The following NEK1 variants were observed in gnomAD, a reference collection of about 807,000 sequenced individuals.
NEK1 encodes NIMA related kinase 1.
Under a neutral mutation model 182.1 loss-of-function variants are expected in NEK1, and 137 were observed. The ratio of observed to expected loss-of-function variants is 0.75; its 90% CI spans 0.65 to 0.87. NEK1 has a LOEUF of 0.87. Among genes scored for constraint, NEK1 ranks in the 40% least tolerant of loss-of-function variants. NEK1 has a pLI of 0.00. For synonymous variants in NEK1, 513 were observed against 492.2 expected, an observed-to-expected ratio of 1.04 and a Z score of -0.56; for missense variants, 1,391 against 1,494.4, an observed-to-expected ratio of 0.93 and a Z score of 1.14.
At chr4:169,424,402 C>T (rs1736005091) in intron 31 of NEK1, 151 bp downstream of exon 31, 2 of 909,924 alleles carry the variant, frequency 2.2e-6, no homozygotes, top group Middle Eastern at 3.1e-4. Flanking sequence ...CTCTCAATTG[C>T]AATTTATTTG....
chr4:169,599,732 T>C (rs979740303), intron 4 of NEK1, among the ~76,000 whole-genome samples: 2 of 152,174 alleles, frequency 1.3e-5, no homozygotes, highest in Non-Finnish European at 2.9e-5. Context: ...CTTTCCTTAA[T>C]TTTATGCACT....
chr4:169,595,698 C>T (rs1427297975), intron 5 of NEK1, among the ~76,000 whole-genome samples: 1 of 151,764 alleles, frequency 6.6e-6, no homozygotes, highest in Non-Finnish European at 1.5e-5. Flanking sequence ...CAGAGGCGGG[C>T]GGATCACGAG....
At chr4:169,409,353 C>T (rs1343288758) in intron 31 of NEK1, among the ~76,000 whole-genome samples, 1 of 152,004 alleles carries the variant, frequency 6.6e-6, no homozygotes, top group East Asian at 2.0e-4. Context: ...ACCATGTTAG[C>T]CAGGATGGTC....
intron 18 of NEK1, among the ~76,000 whole-genome samples, chr4:169,542,028 TTTTTG>T (rs1161681321): frequency 6.6e-6 from 1 of 152,158 alleles, no homozygotes; most frequent in Non-Finnish European, 1.5e-5. Context: ...TCCCAGACTC[TTTTTG>T]TTTTATTACA....
rs548393847 is a variant in NEK1, at chr4:169,445,125, A to T, written c.2588-6866T>A. Reference sequence around the variant, plus strand: ...GCAGTGCTGAGAGTTTATAGCAATAAACACCCATATCACAAAAGGGCCAGA... The same window carrying T: ...GCAGTGCTGAGAGTTTATAGCAATATACACCCATATCACAAAAGGGCCAGA... On this transcript the variant is annotated intron_variant, in intron 27 of 35. Coordinates refer to ENST00000507142, the MANE Select transcript of NEK1 (RefSeq NM_001199397.3). Among the ~76,000 whole-genome samples the T allele has an allele frequency of 2.6e-5, 4 of 151,836 alleles. No individual in the cohort carries two copies. The East Asian group carries it at 7.7e-4, about 29-fold the overall frequency.
intron 28 of NEK1, among the ~76,000 whole-genome samples, chr4:169,437,027 A>G (rs1265935410): frequency 6.6e-6 from 1 of 152,220 alleles, no homozygotes; most frequent in Non-Finnish European, 1.5e-5. Context: ...GGACAAACAT[A>G]GTGCAAAAGA....
intron 9 of NEK1, 57 bp downstream of exon 9, chr4:169,587,502 A>AGCG: frequency 1.0e-6 from 1 of 955,800 alleles, no homozygotes; most frequent in Non-Finnish European, 1.5e-6. Context: ...ATATAATAAA[A>AGCG]ACATTATAGT....
chr4:169,602,551 C>A lies in NEK1; in HGVS notation c.80G>T (p.Gly27Val). Residue 27 changes from glycine to valine, a missense_variant, in exon 3 of 36, where the codon GGC becomes GTC. Transcript: ENST00000507142. Reference sequence around the variant, plus strand: ...AATTTCCTTGATAACATACTGTCTGCCATCTTCTGTAGATTTAACAAGAAT... The same window carrying A: ...AATTTCCTTGATAACATACTGTCTGACATCTTCTGTAGATTTAACAAGAAT... ...KAILVKSTED[G>V]RQYVIKEINI... is the part of the protein sequence containing the mutation. 3 of 1,605,700 alleles carry A rather than the reference C, an allele frequency of 1.9e-6. No homozygotes were observed. Among genetic ancestry groups the A allele is most frequent in the Non-Finnish European group, 2.6e-6 (3 of 1,173,346 alleles).
intron 35 of NEK1, among the ~76,000 whole-genome samples, chr4:169,399,273 T>C (rs1579281643): frequency 1.3e-5 from 2 of 151,256 alleles, no homozygotes; most frequent in East Asian, 3.9e-4. Context: ...TAATACCACA[T>C]CCTTGATAAG....
At chr4:169,518,440 T>C (rs1755492400) in intron 19 of NEK1, among the ~76,000 whole-genome samples, 1 of 138,120 alleles carries the variant, frequency 7.2e-6, no homozygotes, top group Admixed American at 7.0e-5. Context: ...ATTTTGTTGA[T>C]CCTTTCAAAA....
At chr4:169,465,267 T>G (rs1326375780) in intron 26 of NEK1, among the ~76,000 whole-genome samples, 1 of 152,090 alleles carries the variant, frequency 6.6e-6, no homozygotes, top group East Asian at 1.9e-4. Context: ...GGGAAAAAGT[T>G]CTAACAAACA....
chr4:169,574,084 G>A (rs2150019992), intron 12 of NEK1, among the ~76,000 whole-genome samples: 2 of 152,246 alleles, frequency 1.3e-5, no homozygotes, highest in Non-Finnish European at 2.9e-5. Context: ...CTTGAGCTCA[G>A]GAAGTTAAGG....
chr4:169,425,489 T>G (rs138074550), intron 30 of NEK1, among the ~76,000 whole-genome samples: 2 of 151,678 alleles, frequency 1.3e-5, no homozygotes, highest in Non-Finnish European at 2.9e-5. Context: ...AAAAATACAC[T>G]ATTTAGATAC....
Position 169,506,685 on chromosome 4 carries a change from GGAGCCGAGATCGTGTCACTGCACTTCAGT to G in NEK1, c.2007+323_2007+351del, listed in dbSNP as rs566189688. The G allele has an allele frequency of 8.5e-3, 1,302 of 154,012 alleles. 13 individuals are homozygous for G. The highest frequency in any genetic ancestry group is 0.029 in the African/African-American group (1,215 of 41,518). The allele number at this position is 154,012 out of a possible 1,614,324, so 9.5% of individuals were successfully genotyped here. ...GAAGAATCGCTTGAACCCAGGAGGTGGAGCCGAGATCGTGTCACTGCACTTCAGTGAGCCGAGATCGTGTCACTGCACTT... is the reference window on the plus strand; with the variant it reads ...GAAGAATCGCTTGAACCCAGGAGGTGGAGCCGAGATCGTGTCACTGCACTT... On this transcript the variant is annotated intron_variant, in intron 23 of 35. Coordinates refer to ENST00000507142, the MANE Select transcript of NEK1 (RefSeq NM_001199397.3).
intron 23 of NEK1, among the ~76,000 whole-genome samples, chr4:169,498,586 T>G (rs1751812824): frequency 6.6e-6 from 1 of 152,206 alleles, no homozygotes; most frequent in Non-Finnish European, 1.5e-5. Context: ...TGGAGCTCTT[T>G]TAGGGCAGGC....
chr4:169,573,867 C>A (rs1413665030), intron 12 of NEK1, among the ~76,000 whole-genome samples: 1 of 152,094 alleles, frequency 6.6e-6, no homozygotes, highest in East Asian at 1.9e-4. Context: ...AGAGAATGAT[C>A]AAGAAAATAA....
In NEK1 at chr4:169,479,505, A is replaced by T; in HGVS notation, c.2037T>A (p.Asp679Glu). 6.2e-7 allele frequency: 1 copy of T among 1,610,086 alleles called. No homozygotes were observed. The highest frequency in any genetic ancestry group is 8.5e-7 in the Non-Finnish European group (1 of 1,178,412). ...CATGCTGTCCCAAAGGTGGAGAAAC[A>T]TCAGAACTCTTAACTCCTTTAGCCA... ...HLVAKGVKSS[D>E]VSPPLGQHET... Residue 679 changes from aspartate to glutamate, a missense_variant, in exon 24 of 36, where the codon GAT (aspartate) becomes GAA (glutamate). Physicochemically the swap from Asp to Glu is conservative, Grantham distance 45. Around this residue, in one of 5 missense-constraint regions of NEK1, gnomAD observed 1,216 missense variants for 1,277.6 expected, o/e 0.95. Coordinates refer to ENST00000507142, the MANE Select transcript of NEK1 (RefSeq NM_001199397.3).
rs1381755459 is a variant in NEK1, at chr4:169,432,053, G to A, written c.2885+1492C>T. Among the ~76,000 whole-genome samples the A allele has an allele frequency of 5.3e-5, 8 of 149,576 alleles. No homozygotes were observed. In the South Asian group the frequency reaches 6.3e-4, roughly 12 times the overall value. ...TTTTACTAATTTATAAAAGACCAAC[G>A]ACTAAATTAAAAAAAAAAGGGGGGG... On this transcript the variant is annotated intron_variant, in intron 29 of 35. Transcript: ENST00000507142.
chr4:169,439,158 A>G (rs1738961212), intron 27 of NEK1, among the ~76,000 whole-genome samples: 1 of 152,196 alleles, frequency 6.6e-6, no homozygotes, highest in South Asian at 2.1e-4. Context: ...CAAAACCCCA[A>G]TTTTGCATAA....
Sources: allele counts gnomAD v4.1 joint callset (sites outside exome capture counted in the v4.1 genomes callset), GRCh38; gene constraint gnomAD v4.1.1; regional missense constraint gnomAD v4.1.1; transcripts MANE v1.5; gene names NCBI Gene and HGNC (gene_info 2026-07-23, HGNC 2026-07-21).